Variants in EML6 observed in about 807,000 individuals in gnomAD.
The protein encoded by EML6 is EMAP like 6.
In EML6, 154 loss-of-function variants were observed where a neutral mutation model predicts 240.1. The ratio of observed to expected loss-of-function variants is 0.64; its 90% CI spans 0.56 to 0.73. The LOEUF (loss-of-function observed/expected upper bound fraction) is 0.73. Among genes scored for constraint, EML6 ranks in the 30% least tolerant of loss-of-function variants. EML6 has a pLI of 0.00. For synonymous variants in EML6, 1,148 were observed against 899.0 expected (o/e 1.28, Z -4.95); for missense variants, 2,964 against 2,474.6 (o/e 1.20, Z -4.20).
intron 2 of EML6, among the ~76,000 whole-genome samples, chr2:54,791,879 G>A (rs1558551793): frequency 6.6e-6 from 1 of 152,120 alleles, no homozygotes; most frequent in Non-Finnish European, 1.5e-5. Flanking sequence ...CTGAGAGGGT[G>A]GGATGAGATT....
chr2:54,778,290 G>A (rs6545442), intron 2 of EML6, among the ~76,000 whole-genome samples: 41,319 of 152,042 alleles, frequency 0.27, 7,991 homozygotes, highest in African/African-American at 0.53. Context: ...ATTAAATGTC[G>A]AAATTTATTC....
At chr2:54,940,304 C>G (rs946882352) in intron 28 of EML6, among the ~76,000 whole-genome samples, 1 of 152,106 alleles carries the variant, frequency 6.6e-6, no homozygotes, top group African/African-American at 2.4e-5. Flanking sequence ...AAAGAAAGTT[C>G]TATAAAGAAA....
At chr2:54,876,938 C>G (rs1027612934) in intron 16 of EML6, among the ~76,000 whole-genome samples, 7 of 152,084 alleles carry the variant, frequency 4.6e-5, no homozygotes, top group South Asian at 2.1e-4. Flanking sequence ...ACTTACTCTT[C>G]CTAACTGTAG....
Position 54,847,397 on chromosome 2 carries a change from G to C in EML6, c.1050-89G>C. On this transcript the variant is annotated intron_variant, in intron 8 of 41. Coordinates refer to ENST00000356458, the MANE Select transcript of EML6 (RefSeq NM_001039753.4). Reference sequence around the variant, plus strand: ...TCCTATGTCTTTTCTTGTTACTGTTGGTGTGGTGAGCAGCCCTTCTTGCCT... The same window carrying C: ...TCCTATGTCTTTTCTTGTTACTGTTCGTGTGGTGAGCAGCCCTTCTTGCCT... 2.2e-6 allele frequency: 3 copies of C among 1,345,384 alleles called. No homozygotes were observed. The South Asian group carries it at 4.0e-5, about 18-fold the overall frequency. The allele number at this position is 1,345,384 out of a possible 1,614,324, so 83.3% of individuals were successfully genotyped here. A position where few individuals can be genotyped will look rare whatever the true frequency, so the allele number is the denominator to read the frequency against.
intron 2 of EML6, among the ~76,000 whole-genome samples, chr2:54,802,783 C>T (rs896709265): frequency 1.3e-5 from 2 of 152,118 alleles, no homozygotes; most frequent in Admixed American, 6.5e-5. Context: ...CTGTGCTGAG[C>T]GTTCCCATTT....
chr2:54,856,483 A>G (rs1467297516), intron 11 of EML6, among the ~76,000 whole-genome samples: 1 of 152,250 alleles, frequency 6.6e-6, no homozygotes, highest in Admixed American at 6.5e-5. Context: ...TTTATGACAC[A>G]TGGCCTATGG....
At chr2:54,841,087 A>T (rs1160720490) in intron 7 of EML6, among the ~76,000 whole-genome samples, 1 of 104,276 alleles carries the variant, frequency 9.6e-6, no homozygotes, top group South Asian at 3.8e-4. Flanking sequence ...AGGCAAAGAG[A>T]TCAGGACAAG....
rs770720535 is a variant in EML6, at chr2:54,847,471, C to T, written c.1050-15C>T. 6.1e-5 allele frequency: 94 copies of T among 1,549,094 alleles called. No individual in the cohort carries two copies. The highest frequency in any genetic ancestry group is 7.2e-5 in the Non-Finnish European group (82 of 1,146,030). Reference sequence around the variant, plus strand: ...AGTTGGTTTTGTTTTGTTTTGACTTCGTTCTTGTGCCTAGGCTGTGGAGCC... The same window carrying T: ...AGTTGGTTTTGTTTTGTTTTGACTTTGTTCTTGTGCCTAGGCTGTGGAGCC... On this transcript the variant is annotated splice_polypyrimidine_tract_variant and intron_variant, in intron 8 of 41. Transcript: ENST00000356458.
intron 2 of EML6, among the ~76,000 whole-genome samples, chr2:54,732,434 A>C (rs1323225704): frequency 6.6e-6 from 1 of 152,100 alleles, no homozygotes; most frequent in East Asian, 1.9e-4. Context: ...TAGCTCTTAC[A>C]TTTAGGTAGA....
chr2:54,840,359 G>A (rs182434340), intron 7 of EML6, among the ~76,000 whole-genome samples: 6 of 152,264 alleles, frequency 3.9e-5, no homozygotes, highest in Admixed American at 1.3e-4. Flanking sequence ...AATATATAAC[G>A]TATCACTAAG....
At chr2:54,968,840 G>A (rs960689382) in intron 41 of EML6, 72 bp downstream of exon 41, 99 of 819,084 alleles carry the variant, frequency 1.2e-4, no homozygotes, top group Non-Finnish European at 1.8e-4. Flanking sequence ...CAGGCATCCC[G>A]TGGGTCAGCC....
At chr2:54,766,134 C>A (rs1360313374) in intron 2 of EML6, among the ~76,000 whole-genome samples, 1 of 152,228 alleles carries the variant, frequency 6.6e-6, no homozygotes, top group East Asian at 1.9e-4. Context: ...AAGTTGCAGA[C>A]CAGACACCTT....
chr2:54,961,184 G>GTTGTTTTTTTTTTTTGTTTTTTTTTTT lies in EML6; in HGVS notation c.4968+852_4968+853insGTTTTTTTTTTTTGTTTTTTTTTTTTT. 5.4e-5 allele frequency among the ~76,000 whole-genome samples: 3 copies of GTTGTTTTTTTTTTTTGTTTTTTTTTTT among 55,424 alleles called. 1 individual carries two copies. Among genetic ancestry groups the GTTGTTTTTTTTTTTTGTTTTTTTTTTT allele is most frequent in the Non-Finnish European group, 6.3e-5 (2 of 31,670 alleles). 36.4% of individuals were successfully genotyped at this position (55,424 alleles called of 152,430 possible). A position where few individuals can be genotyped will look rare whatever the true frequency, so the allele number is the denominator to read the frequency against. The stretch of plus-strand genomic sequence containing the variant: ...GGAGCCTGGAAGTTATCAGGAAGTA[G>GTTGTTTTTTTTTTTTGTTTTTTTTTTT]TTTTTTTTTTTTTTTTTTTGAGACG... On this transcript the variant is annotated intron_variant, in intron 35 of 41. Transcript: ENST00000356458.
intron 8 of EML6, 84 bp from the exon 9 acceptor site, chr2:54,847,399 TGTG>T: frequency 7.3e-7 from 1 of 1,362,618 alleles, no homozygotes; most frequent in Non-Finnish European, 1.0e-6. Context: ...TTACTGTTGG[TGTG>T]GTGAGCAGCC....
intron 2 of EML6, among the ~76,000 whole-genome samples, chr2:54,778,704 C>T (rs981411980): frequency 2.0e-4 from 30 of 151,630 alleles, no homozygotes; most frequent in Admixed American, 2.6e-4. Context: ...CTGGCTATCA[C>T]GGTGAAACCC....
intron 2 of EML6, among the ~76,000 whole-genome samples, chr2:54,748,000 A>G (rs779721115): frequency 9.2e-5 from 14 of 152,190 alleles, no homozygotes; most frequent in Non-Finnish European, 1.6e-4. Context: ...AGGTTTAGAA[A>G]CTTTCACTTT....
intron 2 of EML6, among the ~76,000 whole-genome samples, chr2:54,782,087 T>G (rs951352369): frequency 1.3e-5 from 2 of 152,232 alleles, no homozygotes; most frequent in Admixed American, 6.5e-5. Flanking sequence ...GCATTCTGTA[T>G]TGTATTGAAA....
chr2:54,928,233 A>T (rs1284481286), intron 26 of EML6, 80 bp from the exon 27 acceptor site: 2 of 1,073,098 alleles, frequency 1.9e-6, no homozygotes, highest in Non-Finnish European at 2.8e-6. Context: ...CTTTGTATCC[A>T]GTAGAAACTA....
At chr2:54,762,638 A>G (rs1385063083) in intron 2 of EML6, among the ~76,000 whole-genome samples, 1 of 152,102 alleles carries the variant, frequency 6.6e-6, no homozygotes, top group Non-Finnish European at 1.5e-5. Flanking sequence ...TCCTGCCCTT[A>G]TTTATTTTGA....
Sources: gnomAD v4.1 joint callset for allele counts (sites outside exome capture counted in the v4.1 genomes callset) on GRCh38, gnomAD v4.1.1 for gene constraint, MANE v1.5 for transcripts, NCBI Gene and HGNC (gene_info 2026-07-23, HGNC 2026-07-21) for gene names.